Variants in SBF2 observed in about 807,000 individuals in gnomAD.
The protein encoded by SBF2 is myotubularin-related protein 13.
SBF2 carries 112 observed loss-of-function variants against 225.2 expected under a neutral mutation model. The observed-to-expected ratio is 0.50, with a 90% CI of 0.43 to 0.58. SBF2 has a LOEUF of 0.58. Ranked by LOEUF, SBF2 falls within the 20% of genes least tolerant of loss-of-function variation. SBF2 has a pLI of 0.00. For synonymous variants in SBF2, 763 were observed against 773.3 expected (o/e 0.99, Z 0.22); for missense variants, 1,996 against 2,206.2 (o/e 0.90, Z 1.91).
At chr11:10,118,858 A>G (rs919636265) in intron 2 of SBF2, among the ~76,000 whole-genome samples, 3 of 151,942 alleles carry the variant, frequency 2.0e-5, no homozygotes, top group African/African-American at 7.2e-5. Context: ...TCATTTAGCA[A>G]ATAACTATTG....
At chr11:9,850,847 T>C (rs568314748) in intron 21 of SBF2, among the ~76,000 whole-genome samples, 2 of 152,220 alleles carry the variant, frequency 1.3e-5, no homozygotes, top group South Asian at 4.1e-4. Context: ...TGGAAAAATA[T>C]CCAGAAGGCT....
intron 1 of SBF2, among the ~76,000 whole-genome samples, chr11:10,204,856 G>A (rs1034732748): frequency 6.6e-5 from 10 of 152,050 alleles, no homozygotes; most frequent in African/African-American, 2.4e-4. Context: ...GGGGTAAAGG[G>A]AGTGATTGCT....
In SBF2 at chr11:10,146,935, C is replaced by A. The variant is rs190701427; in HGVS notation, c.141+46967G>T. Among the ~76,000 whole-genome samples, 6 of 151,958 alleles carry A rather than the reference C, an allele frequency of 3.9e-5. No homozygotes were observed. In the East Asian group the frequency reaches 1.2e-3, roughly 29 times the overall value. On this transcript the variant is annotated intron_variant, in intron 2 of 39. Coordinates refer to ENST00000256190, the MANE Select transcript of SBF2 (RefSeq NM_030962.4). ...CAGACATTTTTCAAAAGAAGACATG[C>A]ATGTGGCCAATGACCATATGAAAAA...
At chr11:10,041,451 C>T (rs1020397221) in intron 3 of SBF2, among the ~76,000 whole-genome samples, 4 of 152,118 alleles carry the variant, frequency 2.6e-5, no homozygotes, top group African/African-American at 7.2e-5. Context: ...CATCAAATAT[C>T]GGTTTGATTC....
intron 2 of SBF2, among the ~76,000 whole-genome samples, chr11:10,103,980 G>A (rs1221750419): frequency 6.6e-6 from 1 of 152,012 alleles, no homozygotes; most frequent in Admixed American, 6.6e-5. Flanking sequence ...CTACTCAGGA[G>A]GCTTAGGTGA....
At chr11:10,294,254 C>T (rs548589869), upstream of SBF2, 28 of 409,036 alleles carry the variant, frequency 6.8e-5, no homozygotes, top group South Asian at 4.2e-4. Flanking sequence ...GCTCCTCCCC[C>T]GCCCCCACCC....
At chr11:9,972,477 T>TTTCG (rs1375646339) in intron 13 of SBF2, among the ~76,000 whole-genome samples, 1 of 152,124 alleles carries the variant, frequency 6.6e-6, no homozygotes, top group Non-Finnish European at 1.5e-5. Context: ...CCAATATGTT[T>TTTCG]TTTGTTTGTT....
chr11:10,021,226 A>C (rs1456521274), intron 6 of SBF2, among the ~76,000 whole-genome samples: 1 of 152,226 alleles, frequency 6.6e-6, no homozygotes, highest in Non-Finnish European at 1.5e-5. Context: ...AGGTGAACAG[A>C]CATGACAAAA....
chr11:9,994,824 G>A (rs764515148), intron 9 of SBF2, among the ~76,000 whole-genome samples: 3 of 151,976 alleles, frequency 2.0e-5, no homozygotes, highest in Non-Finnish European at 4.4e-5. Flanking sequence ...ATCACTTCAG[G>A]TCAGGAATTT....
At chr11:10,056,735 C>T (rs555930253) in intron 2 of SBF2, among the ~76,000 whole-genome samples, 2 of 152,298 alleles carry the variant, frequency 1.3e-5, no homozygotes, top group South Asian at 2.1e-4. Context: ...CAGCCACCCT[C>T]GCCTGAGGTT....
intron 2 of SBF2, among the ~76,000 whole-genome samples, chr11:10,086,463 T>G (rs1034898728): frequency 6.6e-6 from 1 of 152,224 alleles, no homozygotes; most frequent in African/African-American, 2.4e-5. Flanking sequence ...TATAAGTGGC[T>G]TGCTTATTGA....
intron 16 of SBF2, among the ~76,000 whole-genome samples, chr11:9,899,360 C>T (rs1861534758): frequency 6.7e-6 from 1 of 149,992 alleles, no homozygotes; most frequent in Admixed American, 6.7e-5. Flanking sequence ...AAAAACTGGC[C>T]AGGTATGATG....
intron 2 of SBF2, among the ~76,000 whole-genome samples, chr11:10,149,738 C>G (rs942011375): frequency 1.1e-4 from 17 of 152,272 alleles, no homozygotes; most frequent in African/African-American, 4.1e-4. Context: ...GTAACTCTCT[C>G]TGCTGTAACA....
intron 2 of SBF2, among the ~76,000 whole-genome samples, chr11:10,132,981 T>C (rs1309184754): frequency 1.3e-5 from 2 of 149,056 alleles, no homozygotes; most frequent in Non-Finnish European, 3.0e-5. Context: ...TTCACAAACC[T>C]TGAGCTAAAC....
At chr11:9,907,995 T>C (rs12362504) in intron 16 of SBF2, among the ~76,000 whole-genome samples, 55,667 of 152,082 alleles carry the variant, frequency 0.37, 11,089 homozygotes, top group African/African-American at 0.53. Flanking sequence ...ACTCCAGTAT[T>C]TGTGCTTGAA....
At chr11:10,204,366 G>C (rs1447415002) in intron 1 of SBF2, among the ~76,000 whole-genome samples, 1 of 151,958 alleles carries the variant, frequency 6.6e-6, no homozygotes, top group African/African-American at 2.4e-5. Flanking sequence ...GCTGGGTGTG[G>C]TGACTCACGC....
intron 28 of SBF2, among the ~76,000 whole-genome samples, chr11:9,821,753 T>G (rs1057482260): frequency 6.6e-6 from 1 of 152,250 alleles, no homozygotes; most frequent in African/African-American, 2.4e-5. Context: ...GGATGAATAT[T>G]GTTTCACAGA....
chr11:10,281,593 T>C (rs1329718313), intron 1 of SBF2, among the ~76,000 whole-genome samples: 2 of 152,270 alleles, frequency 1.3e-5, no homozygotes, highest in East Asian at 3.9e-4. Context: ...TGGTTCCTTT[T>C]CTTTTACATC....
chr11:10,105,501 A>AT (rs1952508068), intron 2 of SBF2, among the ~76,000 whole-genome samples: 1 of 152,246 alleles, frequency 6.6e-6, no homozygotes, highest in Non-Finnish European at 1.5e-5. Context: ...GGATTGTACC[A>AT]TTCTTGTACA....
Sources: gnomAD v4.1 joint callset for allele counts (sites outside exome capture counted in the v4.1 genomes callset) on GRCh38, gnomAD v4.1.1 for gene constraint, MANE v1.5 for transcripts, NCBI Gene and HGNC (gene_info 2026-07-23, HGNC 2026-07-21) for gene names.